PTPRT: variants seen among roughly 807,000 people sequenced by gnomAD.
PTPRT encodes the protein protein tyrosine phosphatase receptor type T.
Under a neutral mutation model 176.8 loss-of-function variants are expected in PTPRT, and 56 were observed. The observed-to-expected ratio is 0.32, with a 90% CI of 0.26 to 0.40. The LOEUF (loss-of-function observed/expected upper bound fraction) is 0.40. PTPRT is among the 10% of genes least tolerant of loss of function. The probability of loss-of-function intolerance (pLI) is 1.00; values close to 1 mark genes in which losing one functional copy is unlikely to be tolerated. For synonymous variants in PTPRT, 783 were observed against 739.0 expected, an observed-to-expected ratio of 1.06 and a Z score of -0.96; for missense variants, 1,540 against 1,908.2, an observed-to-expected ratio of 0.81 and a Z score of 3.60.
At chr20:43,144,813 G>C (rs990093419) in intron 1 of PTPRT, among the ~76,000 whole-genome samples, 1 of 152,046 alleles carries the variant, frequency 6.6e-6, no homozygotes, top group Non-Finnish European at 1.5e-5. Flanking sequence ...TTTTCAAAAA[G>C]AAAAGTTGGT....
rs774865851 is a variant in PTPRT, at chr20:42,270,367, C to G, written c.2176+12122G>C. The G allele has an allele frequency of 2.2e-6, 3 of 1,382,068 alleles. No homozygotes were observed. The Admixed American group carries it at 5.9e-5, about 27-fold the overall frequency. 85.6% of individuals were successfully genotyped at this position (1,382,068 alleles called of 1,614,324 possible). A position where few individuals can be genotyped will look rare whatever the true frequency, so the allele number is the denominator to read the frequency against. ...CCCACTGAGTGTGGGCAACTCTCCC[C>G]TCCCACCCGCCCAGGGCTCTGGTGA... On this transcript the variant is annotated intron_variant, in intron 13 of 30. Transcript: ENST00000373187.
intron 2 of PTPRT, among the ~76,000 whole-genome samples, chr20:42,839,349 C>G (rs755252505): frequency 6.7e-6 from 1 of 149,548 alleles, no homozygotes; most frequent in Non-Finnish European, 1.5e-5. Flanking sequence ...TGATCTAGCT[C>G]TCAGGCAAAT....
chr20:42,261,337 G>A (rs940822239), intron 13 of PTPRT, among the ~76,000 whole-genome samples: 12 of 151,246 alleles, frequency 7.9e-5, no homozygotes, highest in East Asian at 1.9e-4. Context: ...TAAGGACACC[G>A]GGCATATTGG....
rs553909563 is a variant in PTPRT, at chr20:42,786,248, AGACT to A, written c.486+4943_486+4946del. Among the ~76,000 whole-genome samples the A allele has an allele frequency of 1.9e-3, 282 of 152,340 alleles. 3 individuals carry two copies. Among genetic ancestry groups the A allele is most frequent in the African/African-American group, 6.6e-3 (273 of 41,582 alleles). The stretch of plus-strand genomic sequence containing the variant: ...AAGTTCTTTATAGCAGTATGAGAAC[AGACT>A]AATATACCTGACATGATGATACATA... On this transcript the variant is annotated intron_variant, in intron 3 of 30. Coordinates refer to ENST00000373187, the MANE Select transcript of PTPRT (RefSeq NM_007050.6).
chr20:42,307,863 T>C lies in PTPRT; in HGVS notation c.2139+7860A>G, dbSNP rs537754588. On this transcript the variant is annotated intron_variant, in intron 12 of 30. Transcript: ENST00000373187. Reference sequence around the variant, plus strand: ...GCATGAGATACAGGTCATGAAGATGTTGTTGATGAAACAGGTTGCAGTAAA... The same window carrying C: ...GCATGAGATACAGGTCATGAAGATGCTGTTGATGAAACAGGTTGCAGTAAA... Among the ~76,000 whole-genome samples the C allele has an allele frequency of 6.6e-5, 10 of 152,282 alleles. No homozygotes were observed. In the East Asian group the frequency reaches 7.7e-4, roughly 12 times the overall value.
intron 1 of PTPRT, among the ~76,000 whole-genome samples, chr20:43,071,001 C>T (rs2011173548): frequency 6.7e-6 from 1 of 148,804 alleles, no homozygotes; most frequent in Non-Finnish European, 1.5e-5. Context: ...CTGCCCTCAA[C>T]CAAACCAGGG....
chr20:42,241,052 G>A (rs1439450696), intron 14 of PTPRT, among the ~76,000 whole-genome samples: 1 of 152,232 alleles, frequency 6.6e-6, no homozygotes, highest in Non-Finnish European at 1.5e-5. Flanking sequence ...GCTCAGAGAG[G>A]TTAAGGAACT....
Position 42,544,618 on chromosome 20 carries a change from A to T in PTPRT, c.1154-72056T>A, listed in dbSNP as rs193053820. Among the ~76,000 whole-genome samples the T allele has an allele frequency of 7.2e-4, 110 of 152,238 alleles. 1 individual carries two copies. The highest frequency in any genetic ancestry group is 3.4e-3 in the Middle Eastern group (1 of 294). ...CAGACTTTGGGTAGAGGGGACATTT[A>T]TTGTCTCAGCACTTGGGAGACTTTC... On this transcript the variant is annotated intron_variant, in intron 7 of 30. Coordinates refer to ENST00000373187, the MANE Select transcript of PTPRT (RefSeq NM_007050.6).
intron 7 of PTPRT, among the ~76,000 whole-genome samples, chr20:42,533,271 C>G (rs2072418064): frequency 6.6e-6 from 1 of 152,198 alleles, no homozygotes. Context: ...TTGGACTGGA[C>G]TGTTCCACAA....
In PTPRT at chr20:42,812,000, A is replaced by G. The variant is rs172304; in HGVS notation, c.215-20534T>C. On this transcript the variant is annotated intron_variant, in intron 2 of 30. Coordinates refer to ENST00000373187, the MANE Select transcript of PTPRT (RefSeq NM_007050.6). ...CTTGAACTATGCTTTCTTTCCCTCA[A>G]ATCTTTTAGATAACCATTCTTTCAT... Among the ~76,000 whole-genome samples the G allele has an allele frequency of 2.8e-3, 431 of 152,224 alleles. 4 individuals are homozygous for G. The highest frequency in any genetic ancestry group is 0.01 in the African/African-American group (416 of 41,550).
At position 43,010,110 on chromosome 20, in the gene PTPRT, C is replaced by T. The variant is rs117047960; in HGVS notation, c.89-124178G>A. Among the ~76,000 whole-genome samples, 36 of 152,234 alleles carry T rather than the reference C, an allele frequency of 2.4e-4. No individual in the cohort carries two copies. The East Asian group carries it at 6.8e-3, about 29-fold the overall frequency. On this transcript the variant is annotated intron_variant, in intron 1 of 30. Coordinates refer to ENST00000373187, the MANE Select transcript of PTPRT (RefSeq NM_007050.6). ...CTGTGTCTTCCTTCAGAAATGTCCC[C>T]ACCTCCTCCCTTTCCTTGCAGTGCC...
chr20:43,074,695 C>T (rs1218909199), intron 1 of PTPRT, among the ~76,000 whole-genome samples: 1 of 152,172 alleles, frequency 6.6e-6, no homozygotes, highest in African/African-American at 2.4e-5. Context: ...CTTTCTAGTA[C>T]TTAGTTTCTC....
At chr20:42,387,915 C>T (rs1173928318) in intron 9 of PTPRT, among the ~76,000 whole-genome samples, 1 of 152,046 alleles carries the variant, frequency 6.6e-6, no homozygotes, top group Non-Finnish European at 1.5e-5. Context: ...CCTCAGCCTC[C>T]TGAGTGGCTG....
At chr20:42,370,217 C>T (rs909044584) in intron 9 of PTPRT, among the ~76,000 whole-genome samples, 1 of 152,230 alleles carries the variant, frequency 6.6e-6, no homozygotes, top group African/African-American at 2.4e-5. Context: ...CCATGTAACT[C>T]CCTGGGGGAA....
intron 11 of PTPRT, among the ~76,000 whole-genome samples, chr20:42,329,850 T>A (rs6130108): frequency 0.45 from 68,934 of 152,040 alleles, 16,289 homozygotes; most frequent in African/African-American, 0.58. Flanking sequence ...AATAAAATGA[T>A]AACATTGTAT....
chr20:42,079,248 G>T lies in PTPRT; in HGVS notation c.*1631C>A. On this transcript the variant is annotated 3_prime_UTR_variant, in exon 31 of 31. Transcript: ENST00000373187. ...TATATCTGAAATTCTGCGCTTCCCA[G>T]AAGAACTGGCATCAGGAAGAAAGTA... 1 of 208,542 alleles carries T rather than the reference G, an allele frequency of 4.8e-6. No individual in the cohort carries two copies. The highest frequency in any genetic ancestry group is 9.8e-6 in the Non-Finnish European group (1 of 102,310). The allele number at this position is 208,542 out of a possible 1,614,324, so 12.9% of individuals were successfully genotyped here.
In PTPRT at chr20:42,702,349, G is replaced by A. The variant is rs1259304872; in HGVS notation, c.860-24190C>T. 2.6e-5 allele frequency among the ~76,000 whole-genome samples: 4 copies of A among 152,132 alleles called. No homozygotes were observed. The East Asian group carries it at 7.7e-4, about 29-fold the overall frequency. ...TGCAATGCTCATTAACATCTCCAGG[G>A]ATCAACACGGATAATAAAGAGGAAG... On this transcript the variant is annotated intron_variant, in intron 6 of 30. Transcript: ENST00000373187.
chr20:42,096,329 G>A (rs1985226424), intron 27 of PTPRT, among the ~76,000 whole-genome samples: 1 of 152,084 alleles, frequency 6.6e-6, no homozygotes, highest in Admixed American at 6.5e-5. Flanking sequence ...TCAGCCAGAT[G>A]TGGTTGCTCA....
In PTPRT at chr20:42,901,400, TAC is replaced by T. The variant is rs149427262; in HGVS notation, c.89-15470_89-15469del. Among the ~76,000 whole-genome samples, 380 of 151,978 alleles carry T rather than the reference TAC, an allele frequency of 2.5e-3. 1 individual carries two copies. The highest frequency in any genetic ancestry group is 8.7e-3 in the African/African-American group (360 of 41,468). On this transcript the variant is annotated intron_variant, in intron 1 of 30. Transcript: ENST00000373187. The stretch of plus-strand genomic sequence containing the variant: ...TTATTACTCCCATCACAGAATGTCA[TAC>T]ACACACACACACCCTTCTTTATAAA...
Sources: allele counts gnomAD v4.1 joint callset (sites outside exome capture counted in the v4.1 genomes callset), GRCh38; gene constraint gnomAD v4.1.1; transcripts MANE v1.5; gene names NCBI Gene and HGNC (gene_info 2026-07-23, HGNC 2026-07-21).